ZNF469: variants seen among roughly 807,000 people sequenced by gnomAD.
ZNF469 encodes zinc finger protein 469.
In ZNF469, 1 loss-of-function variant was observed where a neutral mutation model predicts 1.0. The observed-to-expected ratio is 1.00, with a 90% CI of 0.35 to 4.73. The LOEUF (loss-of-function observed/expected upper bound fraction) is 4.73. ZNF469 is among the 30% of genes most tolerant of loss of function. The pLI, the probability that ZNF469 is intolerant of heterozygous loss-of-function variation, is 0.16. For missense variants in ZNF469, 6,100 were observed against 5,356.3 expected (o/e 1.14, Z -4.33); for synonymous variants, 2,703 against 2,363.4 (o/e 1.14, Z -4.17).
the ZNF469 span, among the ~76,000 whole-genome samples, chr16:88,214,842 T>A: frequency 2.6e-5 from 4 of 152,206 alleles, no homozygotes; most frequent in African/African-American, 9.7e-5. Flanking sequence ...CTCATCCTTT[T>A]TTATGGCTGC....
At chr16:88,237,555 C>G in the ZNF469 span, among the ~76,000 whole-genome samples, 1 of 117,552 alleles carries the variant, frequency 8.5e-6, no homozygotes, top group Non-Finnish European at 1.8e-5. Context: ...TCCTGCCACT[C>G]ACCCTCCCTG....
chr16:88,206,195 G>C, the ZNF469 span, among the ~76,000 whole-genome samples: 2 of 152,234 alleles, frequency 1.3e-5, no homozygotes, highest in African/African-American at 4.8e-5. Flanking sequence ...GATAGGACTT[G>C]TTTTTCTTCA....
chr16:88,411,305 C>T (rs1204792424), intron 1 of ZNF469, among the ~76,000 whole-genome samples: 6 of 152,052 alleles, frequency 3.9e-5, no homozygotes, highest in Non-Finnish European at 7.4e-5. Context: ...CAGACCCCAG[C>T]GAGCCAGCAT....
the ZNF469 span, among the ~76,000 whole-genome samples, chr16:88,310,951 C>T: frequency 6.6e-6 from 1 of 152,188 alleles, no homozygotes; most frequent in South Asian, 2.1e-4. Flanking sequence ...CAACACTGAT[C>T]CATCCTCATT....
At chr16:88,337,744 C>G in the ZNF469 span, among the ~76,000 whole-genome samples, 1 of 152,206 alleles carries the variant, frequency 6.6e-6, no homozygotes, top group African/African-American at 2.4e-5. Context: ...CTGTGACGCA[C>G]GTTTCCCTGG....
chr16:88,111,085 G>C, the ZNF469 span, among the ~76,000 whole-genome samples: 14 of 152,188 alleles, frequency 9.2e-5, no homozygotes, highest in Non-Finnish European at 8.8e-5. Context: ...GGGCCGGTGC[G>C]ACTTCCCAAA....
chr16:88,136,590 T>G, the ZNF469 span, among the ~76,000 whole-genome samples: 1 of 152,242 alleles, frequency 6.6e-6, no homozygotes, highest in Non-Finnish European at 1.5e-5. Context: ...CTAGCAGATG[T>G]AGCGTGGGCC....
chr16:88,282,522 C>T, the ZNF469 span, among the ~76,000 whole-genome samples: 3 of 152,176 alleles, frequency 2.0e-5, no homozygotes, highest in African/African-American at 7.2e-5. Flanking sequence ...AGATGCTCAC[C>T]TTGCAGAAGA....
chr16:88,117,650 G>A, the ZNF469 span, among the ~76,000 whole-genome samples: 10 of 152,116 alleles, frequency 6.6e-5, no homozygotes, highest in African/African-American at 9.7e-5. Flanking sequence ...AAAGTGCCAC[G>A]TGTCTTCACA....
At chr16:88,338,781 C>T in the ZNF469 span, among the ~76,000 whole-genome samples, 3 of 152,070 alleles carry the variant, frequency 2.0e-5, no homozygotes, top group African/African-American at 4.8e-5. Flanking sequence ...GAGGCTGTGG[C>T]GATACAGGCA....
chr16:88,283,005 G>A, the ZNF469 span, among the ~76,000 whole-genome samples: 11 of 152,274 alleles, frequency 7.2e-5, no homozygotes, highest in South Asian at 2.1e-4. Flanking sequence ...GATTCCCTCC[G>A]GAGTTTGGCC....
At chr16:88,202,488 G>T in the ZNF469 span, among the ~76,000 whole-genome samples, 1 of 152,148 alleles carries the variant, frequency 6.6e-6, no homozygotes, top group African/African-American at 2.4e-5. Context: ...TCTCAGGTGC[G>T]CCCCTGAGGT....
the ZNF469 span, among the ~76,000 whole-genome samples, chr16:88,372,221 CCA>C: frequency 3.0e-4 from 1 of 3,384 alleles, no homozygotes; most frequent in Non-Finnish European, 5.0e-4. Context: ...ATCACCATCA[CCA>C]CTATCATCAC....
the ZNF469 span, among the ~76,000 whole-genome samples, chr16:88,256,120 G>T: frequency 7.9e-5 from 12 of 152,096 alleles, no homozygotes; most frequent in Non-Finnish European, 1.3e-4. Flanking sequence ...CTGTGGGTTT[G>T]GAAAAATTTC....
chr16:88,299,493 G>T, the ZNF469 span, among the ~76,000 whole-genome samples: 1 of 152,188 alleles, frequency 6.6e-6, no homozygotes, highest in African/African-American at 2.4e-5. Context: ...CCAGGAGCCA[G>T]ACAGGAAGGA....
At chr16:88,380,555 ACT>A (rs2092519470), upstream of ZNF469, among the ~76,000 whole-genome samples, 6 of 137,824 alleles carry the variant, frequency 4.4e-5, no homozygotes, top group Admixed American at 2.1e-4. Flanking sequence ...ACAGACATGC[ACT>A]CACACACAGA....
At chr16:88,397,606 T>G (rs1254846801) in intron 1 of ZNF469, among the ~76,000 whole-genome samples, 1 of 146,882 alleles carries the variant, frequency 6.8e-6, no homozygotes, top group African/African-American at 2.5e-5. Flanking sequence ...ATATGTGTGA[T>G]GGATGGATGG....
chr16:88,338,934 CTT>C, the ZNF469 span, among the ~76,000 whole-genome samples: 1 of 152,048 alleles, frequency 6.6e-6, no homozygotes, highest in Non-Finnish European at 1.5e-5. Flanking sequence ...ACATTTGTCT[CTT>C]TTTGAAGTTC....
At chr16:88,304,651 A>G in the ZNF469 span, among the ~76,000 whole-genome samples, 2 of 152,168 alleles carry the variant, frequency 1.3e-5, no homozygotes, top group African/African-American at 4.8e-5. Context: ...GGAAGCCAAG[A>G]GCATAAAAAG....
Sources: gnomAD v4.1 joint callset for allele counts (sites outside exome capture counted in the v4.1 genomes callset) on GRCh38, gnomAD v4.1.1 for gene constraint, MANE v1.5 for transcripts, NCBI Gene and HGNC (gene_info 2026-07-23, HGNC 2026-07-21) for gene names.